The following EXT1 variants were observed in gnomAD, a reference collection of about 807,000 sequenced individuals.
The protein encoded by EXT1 is exostosin glycosyltransferase 1, also known as exostosin-1.
A neutral mutation model predicts 82.5 loss-of-function variants in EXT1; 20 were observed. The ratio of observed to expected loss-of-function variants is 0.24; its 90% confidence interval spans 0.17 to 0.35. The LOEUF is 0.35. EXT1 is among the 10% of genes least tolerant of loss of function. The pLI, the probability that EXT1 is intolerant of heterozygous loss-of-function variation, is 1.00. For synonymous variants in EXT1, 348 were observed against 350.8 expected, an observed-to-expected ratio of 0.99 and a Z score of 0.09; for missense variants, 757 against 936.5, an observed-to-expected ratio of 0.81 and a Z score of 2.50.
chr8:117,949,711 C>G (rs1346075070), intron 1 of EXT1, among the ~76,000 whole-genome samples: 1 of 151,788 alleles, frequency 6.6e-6, no homozygotes, highest in Non-Finnish European at 1.5e-5. Flanking sequence ...AGACATCTTA[C>G]TAATTAAGAT....
rs1812628900 is a variant in EXT1 at position 117,858,849 on chromosome 8, GAAAGAAA to G, written c.963-21655_963-21649del. 8.6e-3 allele frequency among the ~76,000 whole-genome samples: 637 copies of G among 73,812 alleles called. 6 individuals are homozygous for G. Among genetic ancestry groups the G allele is most frequent in the African/African-American group, 0.012 (200 of 16,218 alleles). The allele number at this position is 73,812 out of a possible 152,430, so 48.4% of individuals were successfully genotyped here. ...GGAAGGAAGGAAGGAAGGAAGGAAA[GAAAGAAA>G]GAAAGAAAGAAAGAAAGAAAGAAAG... On this transcript the variant is annotated intron_variant, in intron 1 of 10. Transcript: ENST00000378204.
intron 1 of EXT1, among the ~76,000 whole-genome samples, chr8:117,969,950 A>C (rs1814904980): frequency 6.6e-6 from 1 of 152,248 alleles, no homozygotes; most frequent in Non-Finnish European, 1.5e-5. Flanking sequence ...GATTAGAAGC[A>C]GCCAGCTATG....
In EXT1 at chr8:117,852,437, A is replaced by G. The variant is rs1291742393; in HGVS notation, c.963-15236T>C. Among the ~76,000 whole-genome samples the G allele has an allele frequency of 4.6e-5, 7 of 152,164 alleles. No individual in the cohort carries two copies. In the East Asian group the frequency reaches 1.3e-3, roughly 29 times the overall value. On this transcript the variant is annotated intron_variant, in intron 1 of 10. Coordinates refer to ENST00000378204, the MANE Select transcript of EXT1 (RefSeq NM_000127.3). ...CAGCCCCATCTCACACACTACTTCC[A>G]GGTTTTGGGGACTTGATAGAACAGG...
chr8:118,057,622 C>G lies in EXT1; in HGVS notation c.962+52463G>C, dbSNP rs570275245. Among the ~76,000 whole-genome samples, 3 of 152,106 alleles carry G rather than the reference C, an allele frequency of 2.0e-5. No individual in the cohort carries two copies. The South Asian group carries it at 6.2e-4, about 32-fold the overall frequency. On this transcript the variant is annotated intron_variant, in intron 1 of 10. Transcript: ENST00000378204. ...TAAGTAGCTAGGATTGTTAAGCACT[C>G]CAGTCAGTGCCTAACATATTGAGGG... is the stretch of plus-strand genomic sequence containing the variant.
intron 1 of EXT1, among the ~76,000 whole-genome samples, chr8:117,992,364 C>T (rs1229875770): frequency 6.7e-6 from 1 of 150,006 alleles, no homozygotes; most frequent in Non-Finnish European, 1.5e-5. Context: ...AGGAGAGCAG[C>T]TCTGGGTATA....
intron 1 of EXT1, among the ~76,000 whole-genome samples, chr8:117,907,784 A>G (rs1813570360): frequency 6.6e-6 from 1 of 152,172 alleles, no homozygotes; most frequent in Admixed American, 6.5e-5. Flanking sequence ...TTAATGGGTA[A>G]GTATTTATCC....
intron 1 of EXT1, among the ~76,000 whole-genome samples, chr8:117,904,795 G>C (rs1287964160): frequency 6.6e-6 from 1 of 151,928 alleles, no homozygotes; most frequent in East Asian, 1.9e-4. Context: ...GGAGAAGGTT[G>C]GGGAGAGGGA....
intron 1 of EXT1, among the ~76,000 whole-genome samples, chr8:118,009,627 C>T (rs1815852696): frequency 6.6e-6 from 1 of 152,198 alleles, no homozygotes; most frequent in African/African-American, 2.4e-5. Flanking sequence ...GAGTGACAGG[C>T]AAGCGAGGAT....
chr8:117,938,475 A>G (rs1340649346), intron 1 of EXT1, among the ~76,000 whole-genome samples: 1 of 149,980 alleles, frequency 6.7e-6, no homozygotes, highest in Non-Finnish European at 1.5e-5. Context: ...AATAATAACA[A>G]TAATAATAAT....
At chr8:118,062,498 G>A (rs1302443777) in intron 1 of EXT1, among the ~76,000 whole-genome samples, 3 of 152,128 alleles carry the variant, frequency 2.0e-5, no homozygotes, top group Admixed American at 1.3e-4. Flanking sequence ...AGAGGATTTG[G>A]TCTAAATACA....
intron 1 of EXT1, among the ~76,000 whole-genome samples, chr8:118,049,003 C>A (rs1816674737): frequency 6.6e-6 from 1 of 152,118 alleles, no homozygotes; most frequent in Non-Finnish European, 1.5e-5. Context: ...CTCTGATACC[C>A]ACTCCCCCCA....
At chr8:117,995,203 T>C (rs1815512053) in intron 1 of EXT1, among the ~76,000 whole-genome samples, 2 of 152,178 alleles carry the variant, frequency 1.3e-5, no homozygotes, top group Admixed American at 1.3e-4. Flanking sequence ...CCAGCACTTT[T>C]TGACATCAGA....
At chr8:118,104,585 T>C (rs1053708634) in intron 1 of EXT1, among the ~76,000 whole-genome samples, 1 of 152,234 alleles carries the variant, frequency 6.6e-6, no homozygotes, top group South Asian at 2.1e-4. Flanking sequence ...AAATACACAA[T>C]TTAGGCTGAG....
chr8:117,855,776 C>A (rs951373364), intron 1 of EXT1, among the ~76,000 whole-genome samples: 2 of 152,216 alleles, frequency 1.3e-5, no homozygotes, highest in African/African-American at 4.8e-5. Flanking sequence ...TCAAGCGATT[C>A]TCCTGCCTCA....
intron 1 of EXT1, among the ~76,000 whole-genome samples, chr8:118,044,791 G>A (rs921656088): frequency 6.6e-6 from 1 of 152,050 alleles, no homozygotes; most frequent in Non-Finnish European, 1.5e-5. Flanking sequence ...CTCCAGTCTC[G>A]GTCTCCCGAG....
Position 118,098,618 on chromosome 8 carries a change from G to A in EXT1, c.962+11467C>T, listed in dbSNP as rs1817661524. On this transcript the variant is annotated intron_variant, in intron 1 of 10. Coordinates refer to ENST00000378204, the MANE Select transcript of EXT1 (RefSeq NM_000127.3). ...AAAAAATACAAAAAAAATTAGTCGG[G>A]CATGGTGGCGGGTGCCTGTAGTCCC... Among the ~76,000 whole-genome samples, 3 of 152,130 alleles carry A rather than the reference G, an allele frequency of 2.0e-5. No homozygotes were observed. The South Asian group carries it at 6.2e-4, about 32-fold the overall frequency.
chr8:117,825,283 TAAAG>T (rs1157427558), intron 4 of EXT1, among the ~76,000 whole-genome samples: 1 of 152,196 alleles, frequency 6.6e-6, no homozygotes, highest in Non-Finnish European at 1.5e-5. Context: ...TCTAAAAGCA[TAAAG>T]AAATATGGAA....
intron 1 of EXT1, among the ~76,000 whole-genome samples, chr8:117,942,633 C>A (rs17475946): frequency 0.019 from 2,869 of 152,148 alleles, 34 homozygotes; most frequent in Middle Eastern, 0.037. Flanking sequence ...ATCGCTTGAA[C>A]CTGGGAGGTG....
chr8:117,930,509 C>A (rs1814038890), intron 1 of EXT1, among the ~76,000 whole-genome samples: 2 of 152,190 alleles, frequency 1.3e-5, no homozygotes, highest in Middle Eastern at 3.4e-3. Context: ...CCCCCATCCC[C>A]AAAAAAACCT....
Sources: allele counts gnomAD v4.1 joint callset (sites outside exome capture counted in the v4.1 genomes callset), GRCh38; gene constraint gnomAD v4.1.1; transcripts MANE v1.5; gene names NCBI Gene and HGNC (gene_info 2026-07-23, HGNC 2026-07-21).